The following AGBL4 variants were observed in gnomAD, a reference collection of about 807,000 sequenced individuals.
AGBL4 encodes the protein cytosolic carboxypeptidase 6.
A neutral mutation model predicts 66.4 loss-of-function variants in AGBL4; 58 were observed. That is an observed-to-expected ratio of 0.87 (90% CI 0.71 to 1.09). The LOEUF is 1.09. Ranked by LOEUF, AGBL4 falls within the 50% of genes least tolerant of loss-of-function variation. The pLI is 0.00. For synonymous variants in AGBL4, 234 were observed against 222.9 expected (o/e 1.05, Z -0.44); for missense variants, 579 against 631.0 (o/e 0.92, Z 0.88).
In AGBL4 at chr1:49,435,544, T is replaced by C. The variant is rs368454696; in HGVS notation, c.283-189680A>G. Among the ~76,000 whole-genome samples, 52 of 152,294 alleles carry C rather than the reference T, an allele frequency of 3.4e-4. 1 individual carries two copies. In the South Asian group the frequency reaches 9.7e-3, roughly 29 times the overall value. On this transcript the variant is annotated intron_variant, in intron 3 of 13. Transcript: ENST00000371839. ...GTCAGAGAACATGTGCTTGTGGGAA[T>C]TGGATACCAAGAAGAGAAACATGTC...
intron 4 of AGBL4, among the ~76,000 whole-genome samples, chr1:49,168,823 T>A (rs1409195294): frequency 6.6e-6 from 1 of 152,210 alleles, no homozygotes; most frequent in Non-Finnish European, 1.5e-5. Context: ...ACTGGTTGCA[T>A]ACCATCCATC....
intron 3 of AGBL4, among the ~76,000 whole-genome samples, chr1:49,439,071 A>T (rs754845346): frequency 3.9e-5 from 6 of 152,136 alleles, no homozygotes; most frequent in Non-Finnish European, 8.8e-5. Flanking sequence ...TTTGGAAGGG[A>T]CAAACATTCA....
In AGBL4 at chr1:49,047,009, G is replaced by A. The variant is rs376871741; in HGVS notation, c.378-1209C>T. Among the ~76,000 whole-genome samples the A allele has an allele frequency of 3.3e-4, 50 of 152,200 alleles. 1 individual carries two copies. In the South Asian group the frequency reaches 9.3e-3, roughly 28 times the overall value. On this transcript the variant is annotated intron_variant, in intron 4 of 13. Transcript: ENST00000371839. ...AAAAACAAGAAGGGTGCTGTCTCCA[G>A]GTAGAACAACCTGGAGAAAACTGTT...
intron 3 of AGBL4, among the ~76,000 whole-genome samples, chr1:49,383,296 A>T (rs971676928): frequency 1.3e-5 from 2 of 152,212 alleles, no homozygotes; most frequent in Non-Finnish European, 2.9e-5. Flanking sequence ...AAATACAAAG[A>T]AAACCTAAAA....
intron 1 of AGBL4, among the ~76,000 whole-genome samples, chr1:49,978,853 A>T (rs1658806590): frequency 6.6e-6 from 1 of 152,210 alleles, no homozygotes; most frequent in African/African-American, 2.4e-5. Flanking sequence ...TATTATCTGA[A>T]TTTTTAATAA....
intron 5 of AGBL4, among the ~76,000 whole-genome samples, chr1:48,935,912 T>C (rs1655414505): frequency 8.0e-6 from 1 of 124,544 alleles, no homozygotes; most frequent in African/African-American, 3.0e-5. Flanking sequence ...TGAGCCAAAA[T>C]CATGCCACTG....
chr1:49,630,033 G>A (rs894797436), intron 3 of AGBL4, among the ~76,000 whole-genome samples: 18 of 152,114 alleles, frequency 1.2e-4, no homozygotes, highest in African/African-American at 4.3e-4. Flanking sequence ...CCCTTTGATG[G>A]TCCTCAGACC....
At chr1:48,629,192 G>A (rs1291257409) in intron 9 of AGBL4, among the ~76,000 whole-genome samples, 1 of 152,130 alleles carries the variant, frequency 6.6e-6, no homozygotes, top group African/African-American at 2.4e-5. Context: ...TTCACATATG[G>A]GCTTAGCTTT....
chr1:48,792,039 T>G (rs1220223077), intron 6 of AGBL4, among the ~76,000 whole-genome samples: 1 of 152,176 alleles, frequency 6.6e-6, no homozygotes, highest in Non-Finnish European at 1.5e-5. Flanking sequence ...TAATGTGACT[T>G]TATTTGAAAT....
At chr1:48,928,195 GC>G (rs1438198929) in intron 5 of AGBL4, among the ~76,000 whole-genome samples, 2 of 152,164 alleles carry the variant, frequency 1.3e-5, no homozygotes, top group African/African-American at 4.8e-5. Context: ...GGAACAGACA[GC>G]CCCATCACTG....
rs1231689176 is a variant in AGBL4 at position 49,239,600 on chromosome 1, T to C, written c.377+6170A>G. On this transcript the variant is annotated intron_variant, in intron 4 of 13. Coordinates refer to ENST00000371839, the MANE Select transcript of AGBL4 (RefSeq NM_032785.4). Reference sequence around the variant, plus strand: ...AAAGATCAACATACAAATGAGTACATACATTTAGCTGTTTCCGTGTTAAAA... The same window carrying C: ...AAAGATCAACATACAAATGAGTACACACATTTAGCTGTTTCCGTGTTAAAA... Among the ~76,000 whole-genome samples, 4 of 152,136 alleles carry C rather than the reference T, an allele frequency of 2.6e-5. No homozygotes were observed. The East Asian group carries it at 7.7e-4, about 29-fold the overall frequency.
intron 3 of AGBL4, among the ~76,000 whole-genome samples, chr1:49,288,216 G>C (rs1180595881): frequency 2.5e-5 from 3 of 119,668 alleles, no homozygotes; most frequent in Non-Finnish European, 5.1e-5. Context: ...GACTGTGGTG[G>C]GGTGGGGGGA....
intron 6 of AGBL4, among the ~76,000 whole-genome samples, chr1:48,845,853 G>C (rs1646897266): frequency 6.6e-6 from 1 of 152,134 alleles, no homozygotes; most frequent in African/African-American, 2.4e-5. Context: ...AACAATTATG[G>C]TATTTAATCA....
chr1:48,703,352 A>G (rs1217960050), intron 6 of AGBL4, among the ~76,000 whole-genome samples: 1 of 152,218 alleles, frequency 6.6e-6, no homozygotes, highest in Non-Finnish European at 1.5e-5. Context: ...TTGACACTGC[A>G]GAAAACTGAA....
intron 4 of AGBL4, among the ~76,000 whole-genome samples, chr1:49,139,446 T>A (rs571512571): frequency 7.4e-4 from 113 of 152,252 alleles, no homozygotes; most frequent in Non-Finnish European, 1.4e-3. Context: ...CTAGGCCCTA[T>A]AACTTAGTCA....
At chr1:49,898,871 A>G (rs1465449962) in intron 1 of AGBL4, among the ~76,000 whole-genome samples, 2 of 152,210 alleles carry the variant, frequency 1.3e-5, no homozygotes, top group Non-Finnish European at 2.9e-5. Context: ...AGGCACAGAA[A>G]GACAAACTTC....
chr1:49,285,698 A>G (rs957958354), intron 3 of AGBL4, among the ~76,000 whole-genome samples: 41 of 152,276 alleles, frequency 2.7e-4, no homozygotes, highest in Admixed American at 6.5e-4. Flanking sequence ...TATCACCACC[A>G]ATCCCACAGA....
intron 3 of AGBL4, among the ~76,000 whole-genome samples, chr1:49,497,597 T>C (rs1647724489): frequency 6.6e-6 from 1 of 152,046 alleles, no homozygotes; most frequent in South Asian, 2.1e-4. Flanking sequence ...CATTCTTCTA[T>C]ATGTGGATAT....
intron 6 of AGBL4, among the ~76,000 whole-genome samples, chr1:48,744,795 C>T (rs891203829): frequency 2.6e-5 from 4 of 152,198 alleles, no homozygotes; most frequent in Non-Finnish European, 4.4e-5. Context: ...CCAGCCTCCT[C>T]TCTACCGCTA....
Sources: gnomAD v4.1 joint callset for allele counts (sites outside exome capture counted in the v4.1 genomes callset) on GRCh38, gnomAD v4.1.1 for gene constraint, MANE v1.5 for transcripts, NCBI Gene and HGNC (gene_info 2026-07-23, HGNC 2026-07-21) for gene names.